EVC: variants seen among roughly 807,000 people sequenced by gnomAD.
EVC encodes the protein evC complex member EVC.
Under a neutral mutation model 118.9 loss-of-function variants are expected in EVC, and 116 were observed. That is an observed-to-expected ratio of 0.98 (90% CI 0.84 to 1.14). The LOEUF (loss-of-function observed/expected upper bound fraction) is 1.14, where lower values mean the gene tolerates loss of function less well. Ranked by LOEUF, EVC falls within the 50% of genes most tolerant of loss-of-function variation. EVC has a pLI of 0.00. For synonymous variants in EVC, 619 were observed against 534.7 expected (o/e 1.16, Z -2.18); for missense variants, 1,401 against 1,246.4 (o/e 1.12, Z -1.87).
chr4:5,825,949 T>TGCATGCACATGCAGTCATGCACACAC, the EVC span: 3 of 448,394 alleles, frequency 6.7e-6, no homozygotes, highest in Admixed American at 4.6e-5. The surrounding 1 kb of genome is among the most constrained non-coding windows in gnomAD (Gnocchi z 4.4). Context: ...CATGCACACA[T>TGCATGCACATGCAGTCATGCACACAC]ATATGCATGC....
chr4:5,761,741 G>T lies in EVC; in HGVS notation c.1563+5379G>T, dbSNP rs560897855. Among the ~76,000 whole-genome samples, 295 of 151,922 alleles carry T rather than the reference G, an allele frequency of 1.9e-3. 4 individuals are homozygous for T. The highest frequency in any genetic ancestry group is 6.7e-3 in the African/African-American group (278 of 41,282). On this transcript the variant is annotated intron_variant, in intron 11 of 20. Coordinates refer to ENST00000264956, the MANE Select transcript of EVC (RefSeq NM_153717.3). ...GGCGGGTTTCTGTTTAGTCCTTAGG[G>T]AAGAAAGCCTTATGGTGGTTGGCTA...
At chr4:5,818,752 C>T (rs1718049672), downstream of EVC, among the ~76,000 whole-genome samples, 1 of 152,196 alleles carries the variant, frequency 6.6e-6, no homozygotes, top group Non-Finnish European at 1.5e-5. Context: ...AATGCACCAG[C>T]ACCACCCCAA....
intron 16 of EVC, among the ~76,000 whole-genome samples, chr4:5,802,835 G>A (rs377197144): frequency 6.6e-6 from 1 of 152,192 alleles, no homozygotes; most frequent in Admixed American, 6.5e-5. Flanking sequence ...ACGTCTTGCT[G>A]TGTGGCTGGG....
chr4:5,712,454 G>T (rs906106378), intron 1 of EVC, among the ~76,000 whole-genome samples: 1 of 152,190 alleles, frequency 6.6e-6, no homozygotes, highest in Admixed American at 6.5e-5. Flanking sequence ...GGCTGTGCAT[G>T]GCAACACCTG....
intron 11 of EVC, among the ~76,000 whole-genome samples, chr4:5,777,367 G>A (rs1471555799): frequency 6.6e-6 from 1 of 152,118 alleles, no homozygotes; most frequent in South Asian, 2.1e-4. Flanking sequence ...CCAACTGTAA[G>A]TGTGGAATGG....
At chr4:5,773,678 C>G (rs759328208) in intron 11 of EVC, among the ~76,000 whole-genome samples, 21 of 152,038 alleles carry the variant, frequency 1.4e-4, no homozygotes, top group Non-Finnish European at 2.9e-4. Flanking sequence ...ATGCAGGTAT[C>G]CTCCCTTCCT....
chr4:5,746,406 G>T lies in EVC; in HGVS notation c.939+1065G>T, dbSNP rs190431101. On this transcript the variant is annotated intron_variant, in intron 7 of 20. Transcript: ENST00000264956. The surrounding 1 kb of genome is among the most constrained non-coding windows in gnomAD (Gnocchi z 5.8). ...GGGGCGGCAGGTGGGGAGGAGGAGG[G>T]GGTCCAGGGTCAGTGCTGCTGAAAT... Among the ~76,000 whole-genome samples, 13 of 152,302 alleles carry T rather than the reference G, an allele frequency of 8.5e-5. No individual in the cohort carries two copies. The highest frequency in any genetic ancestry group is 3.1e-4 in the African/African-American group (13 of 41,570).
chr4:5,801,964 G>A lies in EVC; in HGVS notation c.2319G>A (p.Glu773=). The stretch of plus-strand genomic sequence containing the variant: ...TCTTCCCTCAGAGGACACTGATGGA[G>A]GCGGCAGTGGAGAGCGTCTACGTGA... ...DRDDFKRTLM[E]AAVESVYVTS... is the part of the protein sequence containing the mutation. Residue 773 remains glutamate (E), a synonymous_variant, in exon 16 of 21, where the codon GAG becomes GAA. Coordinates refer to ENST00000264956, the MANE Select transcript of EVC (RefSeq NM_153717.3). The A allele has an allele frequency of 6.2e-7, 1 of 1,613,684 alleles. No individual in the cohort carries two copies. Among genetic ancestry groups the A allele is most frequent in the Non-Finnish European group, 8.5e-7 (1 of 1,180,004 alleles).
chr4:5,761,368 A>C (rs1339374998), intron 11 of EVC, among the ~76,000 whole-genome samples: 1 of 152,026 alleles, frequency 6.6e-6, no homozygotes, highest in Non-Finnish European at 1.5e-5. Context: ...AGCAGGTGTC[A>C]CAATCAATCG....
intron 1 of EVC, among the ~76,000 whole-genome samples, chr4:5,713,855 A>T (rs988181141): frequency 3.9e-5 from 6 of 152,174 alleles, no homozygotes; most frequent in Non-Finnish European, 8.8e-5. Context: ...GTGAGCCAAG[A>T]TCATGCCATT....
chr4:5,766,951 C>T (rs891274034), intron 11 of EVC, among the ~76,000 whole-genome samples: 3 of 151,894 alleles, frequency 2.0e-5, no homozygotes, highest in Admixed American at 6.6e-5. Flanking sequence ...TGAGGAACTG[C>T]ATTCCTTTGG....
At chr4:5,744,195 C>T (rs1054665140) in intron 6 of EVC, among the ~76,000 whole-genome samples, 7 of 152,166 alleles carry the variant, frequency 4.6e-5, no homozygotes, top group Non-Finnish European at 8.8e-5. Flanking sequence ...CTGGCACTGC[C>T]CCTTCCTGCC....
chr4:5,724,912 C>T (rs1288695207), intron 2 of EVC, among the ~76,000 whole-genome samples: 3 of 151,978 alleles, frequency 2.0e-5, no homozygotes, highest in Non-Finnish European at 2.9e-5. Flanking sequence ...GTGTTGTTCC[C>T]CCAACCCAAT....
rs374621067 is a variant in EVC at position 5,748,134 on chromosome 4, T to C, written c.940-14T>C. On this transcript the variant is annotated splice_polypyrimidine_tract_variant and intron_variant, in intron 7 of 20. Transcript: ENST00000264956. ...TTTTCACCTCACTTCTTGCTGCTTG[T>C]GCTCATTTCACAGATGGAAGCTTTC... The C allele has an allele frequency of 2.0e-5, 32 of 1,614,108 alleles. No homozygotes were observed. The highest frequency in any genetic ancestry group is 2.6e-5 in the Non-Finnish European group (31 of 1,180,046).
intron 11 of EVC, among the ~76,000 whole-genome samples, chr4:5,768,975 C>A (rs1001374020): frequency 5.3e-5 from 8 of 152,118 alleles, no homozygotes; most frequent in African/African-American, 1.9e-4. Flanking sequence ...CCCAGGCACA[C>A]AGAGGCATCA....
chr4:5,750,849 C>T (rs1201874640), intron 8 of EVC, among the ~76,000 whole-genome samples: 1 of 152,136 alleles, frequency 6.6e-6, no homozygotes, highest in East Asian at 1.9e-4. Flanking sequence ...GATGGATTCA[C>T]TATGCCTGCA....
intron 11 of EVC, among the ~76,000 whole-genome samples, chr4:5,764,791 CTT>C (rs1402254154): frequency 4.1e-5 from 6 of 148,066 alleles, no homozygotes; most frequent in African/African-American, 1.5e-4. Context: ...ATTCTTCTCT[CTT>C]TTCTTCTTTA....
chr4:5,765,858 G>T (rs1051603091), intron 11 of EVC, among the ~76,000 whole-genome samples: 9 of 150,424 alleles, frequency 6.0e-5, no homozygotes, highest in South Asian at 2.2e-4. Context: ...TCTTCATCCA[G>T]TTTGCCAGTC....
downstream of EVC, among the ~76,000 whole-genome samples, chr4:5,815,722 T>C (rs1009702306): frequency 6.6e-6 from 1 of 152,194 alleles, no homozygotes; most frequent in African/African-American, 2.4e-5. Context: ...CCCTAAATGT[T>C]TCCTCTATAG....
Sources: gnomAD v4.1 joint callset for allele counts (sites outside exome capture counted in the v4.1 genomes callset) on GRCh38, gnomAD v4.1.1 for gene constraint, Gnocchi (gnomAD v3.1) non-coding constraint, MANE v1.5 for transcripts, NCBI Gene and HGNC (gene_info 2026-07-23, HGNC 2026-07-21) for gene names.